The following PIK3C3 variants were observed in gnomAD, a reference collection of about 807,000 sequenced individuals.
PIK3C3 encodes phosphatidylinositol 3-kinase catalytic subunit type 3, also known as PI3-kinase type 3.
In PIK3C3, 95 loss-of-function variants were observed where a neutral mutation model predicts 126.1. That is an observed-to-expected ratio of 0.75 (90% CI 0.64 to 0.89). The LOEUF (loss-of-function observed/expected upper bound fraction) is 0.89. Among genes scored for constraint, PIK3C3 ranks in the 40% least tolerant of loss-of-function variants. The probability of loss-of-function intolerance (pLI) is 0.00; values close to 1 mark genes in which losing one functional copy is unlikely to be tolerated. For synonymous variants in PIK3C3, 374 were observed against 360.0 expected, an observed-to-expected ratio of 1.04 and a Z score of -0.44; for missense variants, 829 against 1,063.2, an observed-to-expected ratio of 0.78 and a Z score of 3.06.
At chr18:42,036,566 T>G (rs1368912577) in intron 16 of PIK3C3, among the ~76,000 whole-genome samples, 1 of 152,068 alleles carries the variant, frequency 6.6e-6, no homozygotes, top group African/African-American at 2.4e-5. Context: ...GTCCAGAATA[T>G]CCATCTTAGC....
chr18:41,957,307 A>G (rs1032885765), intron 1 of PIK3C3, among the ~76,000 whole-genome samples: 1 of 152,184 alleles, frequency 6.6e-6, no homozygotes, highest in African/African-American at 2.4e-5. Context: ...GAAGTATAAA[A>G]TAGAGAAATG....
At chr18:42,074,764 A>T (rs190651134) in intron 24 of PIK3C3, among the ~76,000 whole-genome samples, 4 of 151,672 alleles carry the variant, frequency 2.6e-5, no homozygotes, top group Admixed American at 2.0e-4. Flanking sequence ...CTCTCTTTGT[A>T]CTTTTTGAAA....
At chr18:42,044,625 C>T (rs1275700389) in intron 20 of PIK3C3, among the ~76,000 whole-genome samples, 1 of 151,970 alleles carries the variant, frequency 6.6e-6, no homozygotes, top group Non-Finnish European at 1.5e-5. Context: ...GGCATGTTTC[C>T]CAGGCTGGTC....
chr18:42,086,393 A>C lies in PIK3C3; in HGVS notation c.*5256A>C, dbSNP rs1006421237. ...TGTCAGAGACATTTGAACTAGAGCA[A>C]CTCCATCTTGAGTAGGGACTGGGTA... On this transcript the variant is annotated 3_prime_UTR_variant, in exon 25 of 25. Coordinates refer to ENST00000262039, the MANE Select transcript of PIK3C3 (RefSeq NM_002647.4). 4 of 152,086 alleles carry C rather than the reference A, an allele frequency of 2.6e-5. No individual in the cohort carries two copies. The highest frequency in any genetic ancestry group is 5.9e-5 in the Non-Finnish European group (4 of 68,056). The allele number at this position is 152,086 out of a possible 1,614,324, so 9.4% of individuals were successfully genotyped here.
intron 4 of PIK3C3, among the ~76,000 whole-genome samples, chr18:41,984,672 G>A (rs1248325528): frequency 6.6e-6 from 1 of 152,072 alleles, no homozygotes; most frequent in Non-Finnish European, 1.5e-5. Context: ...CTAAAGTCCA[G>A]CCAAGAGCTG....
chr18:42,067,857 T>C (rs917061615), intron 24 of PIK3C3, among the ~76,000 whole-genome samples: 2 of 152,160 alleles, frequency 1.3e-5, no homozygotes, highest in Non-Finnish European at 2.9e-5. Context: ...AATGATGAAG[T>C]GCTGGGAAAG....
intron 4 of PIK3C3, among the ~76,000 whole-genome samples, chr18:41,977,413 A>G (rs995879812): frequency 6.6e-6 from 1 of 152,194 alleles, no homozygotes; most frequent in Non-Finnish European, 1.5e-5. Context: ...CCCCTTAGTA[A>G]GTATACAAGA....
At chr18:42,009,575 CTAAG>C (rs372212505) in intron 10 of PIK3C3, among the ~76,000 whole-genome samples, 6 of 151,674 alleles carry the variant, frequency 4.0e-5, no homozygotes, top group South Asian at 4.2e-4. Context: ...ATACTGTAGT[CTAAG>C]TATGTAGACT....
chr18:42,050,273 C>T (rs1413739492), intron 21 of PIK3C3: 1 of 152,192 alleles, frequency 6.6e-6, no homozygotes, highest in Non-Finnish European at 1.5e-5. Flanking sequence ...TAATATCTAC[C>T]TTTAATTATT....
intron 18 of PIK3C3, among the ~76,000 whole-genome samples, chr18:42,039,054 ATG>A (rs1410848749): frequency 6.6e-6 from 1 of 152,088 alleles, no homozygotes; most frequent in Non-Finnish European, 1.5e-5. Context: ...CTACTGGTTA[ATG>A]TAGTTACTGA....
intron 22 of PIK3C3, among the ~76,000 whole-genome samples, chr18:42,060,358 A>G (rs930336248): frequency 6.6e-6 from 1 of 152,216 alleles, no homozygotes; most frequent in African/African-American, 2.4e-5. Context: ...CTTATTAATC[A>G]GTACATATTA....
At chr18:41,963,500 G>A (rs746588760) in intron 3 of PIK3C3, among the ~76,000 whole-genome samples, 9 of 152,158 alleles carry the variant, frequency 5.9e-5, no homozygotes, top group Non-Finnish European at 1.0e-4. Context: ...CACTACTAGT[G>A]ATTGGTAGCT....
At chr18:41,979,090 G>C (rs925454007) in intron 4 of PIK3C3, among the ~76,000 whole-genome samples, 3 of 138,488 alleles carry the variant, frequency 2.2e-5, no homozygotes, top group African/African-American at 8.3e-5. Context: ...AAAAAAAAGA[G>C]TTCACATAGC....
chr18:42,083,489 G>T lies in PIK3C3; in HGVS notation c.*2352G>T, dbSNP rs1472429404. 6.6e-6 allele frequency: 1 copy of T among 152,132 alleles called. No individual in the cohort carries two copies. Among genetic ancestry groups the T allele is most frequent in the Non-Finnish European group, 1.5e-5 (1 of 68,032 alleles). The allele number at this position is 152,132 out of a possible 1,614,324, so 9.4% of individuals were successfully genotyped here. A position where few individuals can be genotyped will look rare whatever the true frequency, so the allele number is the denominator to read the frequency against. ...ATAGGACAAAAAGAAGAAAAGTATG[G>T]TTAACATTGCCAAATAAAGGGTCAT... is the stretch of plus-strand genomic sequence containing the variant. On this transcript the variant is annotated 3_prime_UTR_variant, in exon 25 of 25. Coordinates refer to ENST00000262039, the MANE Select transcript of PIK3C3 (RefSeq NM_002647.4).
In PIK3C3 at chr18:41,955,334, C is replaced by G; in HGVS notation, c.43C>G (p.Leu15Val). ...EKFHYIYSCD[L>V]DINVQLKIGS... ...GTTTCACTACATCTATAGTTGTGAC[C>G]TGGATATCAACGTCCAGCTTAAGAT... is the stretch of plus-strand genomic sequence containing the variant. The change falls in exon 1 of 25, where the codon CTG becomes GTG. Residue 15 changes from leucine to valine, a missense_variant. Leu to Val is a conservative substitution (Grantham distance 32, BLOSUM62 1). This residue lies in a region of PIK3C3 where 313 missense variants were observed against 340.7 expected (regional missense o/e 0.92). Transcript: ENST00000262039. 2 of 1,613,464 alleles carry G rather than the reference C, an allele frequency of 1.2e-6. No homozygotes were observed. The highest frequency in any genetic ancestry group is 1.1e-5 in the South Asian group (1 of 91,016).
In PIK3C3 at chr18:42,033,946, A is replaced by G; in HGVS notation, c.1828A>G (p.Thr610Ala). The change falls in exon 16 of 25, where the codon ACA becomes GCA. Residue 610 changes from threonine (T) to alanine (A), a missense_variant. By Grantham distance (58) the Thr-to-Ala change is moderately conservative (BLOSUM62 0). Transcript: ENST00000262039. ...KIRGIIPETA[T>A]LFKSALMPAQ... Reference sequence around the variant, plus strand: ...TAGAGGAATAATTCCGGAAACAGCTACACTGTTTAAAGTAATTGTGATGGA... The same window carrying G: ...TAGAGGAATAATTCCGGAAACAGCTGCACTGTTTAAAGTAATTGTGATGGA... 6.2e-7 allele frequency: 1 copy of G among 1,601,356 alleles called. No individual in the cohort carries two copies. The highest frequency in any genetic ancestry group is 8.5e-7 in the Non-Finnish European group (1 of 1,173,860).
intron 4 of PIK3C3, among the ~76,000 whole-genome samples, chr18:41,975,697 TG>T (rs1403437819): frequency 8.2e-6 from 1 of 121,784 alleles, no homozygotes; most frequent in African/African-American, 4.0e-5. Flanking sequence ...TAAAACGGAC[TG>T]TTTTTTTTTT....
intron 21 of PIK3C3, 87 bp downstream of exon 21, chr18:42,049,692 G>A (rs970489513): frequency 5.5e-5 from 60 of 1,090,634 alleles, no homozygotes; most frequent in South Asian, 1.3e-4. Flanking sequence ...GATAAGTTGC[G>A]GCCTGGCGCG....
At chr18:41,977,245 T>TA (rs1329523619) in intron 4 of PIK3C3, among the ~76,000 whole-genome samples, 1 of 152,076 alleles carries the variant, frequency 6.6e-6, no homozygotes, top group Non-Finnish European at 1.5e-5. Context: ...CAAAAGCAAT[T>TA]AAAAAAACAG....
Sources: gnomAD v4.1 joint callset for allele counts (sites outside exome capture counted in the v4.1 genomes callset) on GRCh38, gnomAD v4.1.1 for gene constraint, gnomAD v4.1.1 regional missense constraint, MANE v1.5 for transcripts, NCBI Gene and HGNC (gene_info 2026-07-23, HGNC 2026-07-21) for gene names.